The following PDS5B variants were observed in gnomAD, a reference collection of about 807,000 sequenced individuals.
PDS5B encodes the protein PDS5 cohesin associated factor B, also known as sister chromatid cohesion protein PDS5 homolog B.
A neutral mutation model predicts 184.1 loss-of-function variants in PDS5B; 51 were observed. That is an observed-to-expected ratio of 0.28 (90% confidence interval 0.22 to 0.35). The LOEUF (loss-of-function observed/expected upper bound fraction) is 0.35, where lower values mean the gene tolerates loss of function less well. Ranked by LOEUF, PDS5B falls within the 10% of genes least tolerant of loss-of-function variation. The pLI is 1.00. For missense variants in PDS5B, 1,180 were observed against 1,723.3 expected (o/e 0.68, Z 5.58); for synonymous variants, 566 against 569.2 (o/e 0.99, Z 0.08).
At chr13:32,644,351 G>A (rs919946186) in intron 1 of PDS5B, among the ~76,000 whole-genome samples, 11 of 152,226 alleles carry the variant, frequency 7.2e-5, no homozygotes, top group South Asian at 2.1e-4. Flanking sequence ...TTATTGGGAC[G>A]TAACCTTATT....
rs754580838 is a variant in PDS5B, at chr13:32,770,261, G to T, written c.3765G>T (p.Thr1255=). 6.2e-7 allele frequency: 1 copy of T among 1,613,948 alleles called. No homozygotes were observed. The highest frequency in any genetic ancestry group is 2.2e-5 in the East Asian group (1 of 44,858). Residue 1255 remains threonine (T), a synonymous_variant, in exon 32 of 35, where the codon ACG becomes ACT. Coordinates refer to ENST00000315596, the MANE Select transcript of PDS5B (RefSeq NM_015032.4). ...GSQRSRKRGH[T]ASESDEQQWP... ...AGCGAAGTCGGAAAAGAGGCCATAC[G>T]GCTTCAGAATCTGATGAACAGCAGT...
chr13:32,699,349 A>G (rs1302422930), intron 15 of PDS5B, among the ~76,000 whole-genome samples: 5 of 152,306 alleles, frequency 3.3e-5, no homozygotes, highest in African/African-American at 1.2e-4. Flanking sequence ...AATAGTTCTT[A>G]AAGGTAAAAC....
At chr13:32,586,982 C>G (rs866643439) in intron 1 of PDS5B, among the ~76,000 whole-genome samples, 1,507 of 133,018 alleles carry the variant, frequency 0.011, 19 homozygotes, top group Middle Eastern at 0.031. Context: ...CCCGGCCGCC[C>G]GCGCCCTCCC....
chr13:32,737,870 C>T (rs1361207442), intron 21 of PDS5B, among the ~76,000 whole-genome samples: 1 of 152,092 alleles, frequency 6.6e-6, no homozygotes, highest in African/African-American at 2.4e-5. Context: ...CTCCTTGTCC[C>T]TAATATCTAC....
intron 7 of PDS5B, among the ~76,000 whole-genome samples, chr13:32,672,057 T>C (rs960004236): frequency 6.6e-6 from 1 of 152,158 alleles, no homozygotes; most frequent in African/African-American, 2.4e-5. Flanking sequence ...AGGGAAAAAT[T>C]GTTTAAATTT....
chr13:32,713,745 A>C (rs1029803650), intron 19 of PDS5B, among the ~76,000 whole-genome samples: 1 of 152,236 alleles, frequency 6.6e-6, no homozygotes, highest in Non-Finnish European at 1.5e-5. Context: ...GAAAATATTC[A>C]AGAAAATAAT....
intron 1 of PDS5B, among the ~76,000 whole-genome samples, chr13:32,624,482 T>G (rs2058344007): frequency 6.6e-6 from 1 of 152,218 alleles, no homozygotes; most frequent in Non-Finnish European, 1.5e-5. Context: ...TTCAGTCTCT[T>G]GTTATTTTCA....
At chr13:32,714,803 A>G (rs758003736) in intron 19 of PDS5B, among the ~76,000 whole-genome samples, 3 of 152,164 alleles carry the variant, frequency 2.0e-5, no homozygotes, top group Non-Finnish European at 2.9e-5. Context: ...CACACATGCT[A>G]TATAATTTGT....
At chr13:32,744,747 C>A (rs1953684889) in intron 23 of PDS5B, among the ~76,000 whole-genome samples, 1 of 152,134 alleles carries the variant, frequency 6.6e-6, no homozygotes, top group Admixed American at 6.5e-5. Context: ...GGATGAGACA[C>A]ACCTTTGAGA....
intron 19 of PDS5B, among the ~76,000 whole-genome samples, chr13:32,727,148 A>C (rs1402357707): frequency 6.6e-6 from 1 of 152,118 alleles, no homozygotes; most frequent in African/African-American, 2.4e-5. Context: ...TTTCCTTGAG[A>C]TTAATCAAGT....
intron 19 of PDS5B, among the ~76,000 whole-genome samples, chr13:32,720,533 C>G (rs1266067603): frequency 6.6e-6 from 1 of 152,038 alleles, no homozygotes; most frequent in Non-Finnish European, 1.5e-5. Flanking sequence ...AACGATAGAC[C>G]AGATGTATAT....
At chr13:32,595,962 A>G (rs2057859265) in intron 1 of PDS5B, among the ~76,000 whole-genome samples, 1 of 152,190 alleles carries the variant, frequency 6.6e-6, no homozygotes, top group African/African-American at 2.4e-5. Context: ...TTTATTGAAT[A>G]TGTGTAATAA....
chr13:32,596,403 C>G (rs2057871144), intron 1 of PDS5B, among the ~76,000 whole-genome samples: 1 of 152,130 alleles, frequency 6.6e-6, no homozygotes, highest in Non-Finnish European at 1.5e-5. Context: ...GAATATTTCA[C>G]AGTTTATCTT....
intron 24 of PDS5B, among the ~76,000 whole-genome samples, chr13:32,752,816 C>A (rs1305603667): frequency 6.6e-6 from 1 of 152,110 alleles, no homozygotes; most frequent in Non-Finnish European, 1.5e-5. Context: ...TCCTTACCTT[C>A]AGAGTTGTGC....
In PDS5B at chr13:32,736,988, G is replaced by C. The variant is rs547932237; in HGVS notation, c.2406+1658G>C. Among the ~76,000 whole-genome samples the C allele has an allele frequency of 3.9e-5, 6 of 152,186 alleles. No individual in the cohort carries two copies. The South Asian group carries it at 1.2e-3, about 32-fold the overall frequency. ...AAACATAGCTCTTTGTTTTGCTGCA[G>C]AATTTGCTTGTCATTAAATCCTTGA... is the stretch of plus-strand genomic sequence containing the variant. On this transcript the variant is annotated intron_variant, in intron 21 of 34. Transcript: ENST00000315596.
At chr13:32,667,472 A>G (rs1017233939) in intron 6 of PDS5B, among the ~76,000 whole-genome samples, 6 of 152,124 alleles carry the variant, frequency 3.9e-5, no homozygotes, top group Non-Finnish European at 5.9e-5. Context: ...TGATTTTGGG[A>G]CTAGATCTAG....
At chr13:32,684,146 G>C in intron 11 of PDS5B, 123 bp downstream of exon 11, 2 of 409,556 alleles carry the variant, frequency 4.9e-6, no homozygotes, top group Non-Finnish European at 8.5e-6. Context: ...GGGTATGGAG[G>C]CATTTTAATA....
In PDS5B at chr13:32,740,999, A is replaced by T. The variant is rs982888483; in HGVS notation, c.2407-81A>T. 12 of 815,174 alleles carry T rather than the reference A, an allele frequency of 1.5e-5. No homozygotes were observed. The African/African-American group carries it at 2.1e-4, about 14-fold the overall frequency. 50.5% of individuals were successfully genotyped at this position (815,174 alleles called of 1,614,324 possible). On this transcript the variant is annotated intron_variant, in intron 21 of 34. Transcript: ENST00000315596. ...ACTGCAGAAGGTACAGATTTCATTC[A>T]TTTTCTAAGTGCTAATTGAAAAGAA...
At chr13:32,741,556 G>C (rs745563467) in intron 22 of PDS5B, among the ~76,000 whole-genome samples, 2 of 152,092 alleles carry the variant, frequency 1.3e-5, no homozygotes, top group East Asian at 3.9e-4. Context: ...GCTCATCATT[G>C]GTATAGACTC....
Sources: allele counts gnomAD v4.1 joint callset (sites outside exome capture counted in the v4.1 genomes callset), GRCh38; gene constraint gnomAD v4.1.1; transcripts MANE v1.5; gene names NCBI Gene and HGNC (gene_info 2026-07-23, HGNC 2026-07-21).